Variants in XYLT1 observed in about 807,000 individuals in gnomAD.
XYLT1 encodes beta-D-xylosyltransferase 1.
In XYLT1, 36 loss-of-function variants were observed where a neutral mutation model predicts 91.3. The observed-to-expected ratio is 0.39, with a 90% CI of 0.30 to 0.52. The LOEUF (loss-of-function observed/expected upper bound fraction) is 0.52, where lower values mean the gene tolerates loss of function less well. XYLT1 is among the 20% of genes least tolerant of loss of function. The probability of loss-of-function intolerance (pLI) is 0.68; values close to 1 mark genes in which losing one functional copy is unlikely to be tolerated. For synonymous variants in XYLT1, 588 were observed against 532.0 expected (o/e 1.11, Z -1.45); for missense variants, 1,242 against 1,284.5 (o/e 0.97, Z 0.51).
At chr16:17,169,201 G>A (rs2031767880) in intron 5 of XYLT1, among the ~76,000 whole-genome samples, 2 of 152,188 alleles carry the variant, frequency 1.3e-5, no homozygotes, top group South Asian at 4.1e-4. Context: ...GACAGCAGAT[G>A]AATTGAAGCA....
chr16:17,116,087 C>A (rs6498665), intron 11 of XYLT1, among the ~76,000 whole-genome samples: 145,068 of 152,160 alleles, frequency 0.95, 69,210 homozygotes, highest in Middle Eastern at 0.98. Context: ...TTATGCTTTA[C>A]AAGTATGGAA....
At chr16:17,132,211 G>C (rs950508307) in intron 9 of XYLT1, among the ~76,000 whole-genome samples, 2 of 152,184 alleles carry the variant, frequency 1.3e-5, no homozygotes, top group African/African-American at 2.4e-5. Context: ...TTCCAGACTA[G>C]CAGTGGGGGG....
chr16:17,467,809 C>T (rs746758515), intron 1 of XYLT1, among the ~76,000 whole-genome samples: 3 of 152,218 alleles, frequency 2.0e-5, no homozygotes, highest in African/African-American at 7.2e-5. Context: ...ACCCAGGACA[C>T]AGGTTCCCTC....
At chr16:17,439,070 G>A (rs2036498681) in intron 1 of XYLT1, among the ~76,000 whole-genome samples, 1 of 152,078 alleles carries the variant, frequency 6.6e-6, no homozygotes, top group Non-Finnish European at 1.5e-5. Context: ...CAGAAATATT[G>A]GTAAATTCTG....
At chr16:17,439,703 GA>G (rs947697512) in intron 1 of XYLT1, among the ~76,000 whole-genome samples, 1 of 152,318 alleles carries the variant, frequency 6.6e-6, no homozygotes, top group African/African-American at 2.4e-5. Flanking sequence ...AAGGGAAACT[GA>G]CAAGTTTTAG....
chr16:17,429,280 T>C (rs895212889), intron 1 of XYLT1, among the ~76,000 whole-genome samples: 6 of 152,152 alleles, frequency 3.9e-5, no homozygotes, highest in African/African-American at 1.4e-4. Context: ...GGTCTTTCTT[T>C]CCTTGCCACA....
At chr16:17,178,545 G>A (rs566307870) in intron 5 of XYLT1, among the ~76,000 whole-genome samples, 1 of 152,174 alleles carries the variant, frequency 6.6e-6, no homozygotes, top group African/African-American at 2.4e-5. Context: ...TGAGATGTAC[G>A]TGTTCTGGGC....
At chr16:17,461,935 G>A (rs1020476580) in intron 1 of XYLT1, among the ~76,000 whole-genome samples, 3 of 152,150 alleles carry the variant, frequency 2.0e-5, no homozygotes, top group Non-Finnish European at 4.4e-5. Flanking sequence ...ATAAAAGCAT[G>A]TCTTTTTAGT....
At chr16:17,367,093 A>T (rs1185780901) in intron 1 of XYLT1, among the ~76,000 whole-genome samples, 1 of 152,112 alleles carries the variant, frequency 6.6e-6, no homozygotes, top group East Asian at 1.9e-4. Flanking sequence ...TGATCCTCTC[A>T]CACTCATTGT....
intron 3 of XYLT1, among the ~76,000 whole-genome samples, chr16:17,213,500 A>G (rs1208036307): frequency 6.6e-6 from 1 of 152,226 alleles, no homozygotes; most frequent in Non-Finnish European, 1.5e-5. Context: ...GACTCTGAGT[A>G]GTTACCTGAC....
At chr16:17,274,498 C>G (rs935822677) in intron 2 of XYLT1, among the ~76,000 whole-genome samples, 6 of 152,088 alleles carry the variant, frequency 3.9e-5, no homozygotes, top group African/African-American at 1.4e-4. Context: ...CTAAAGTATG[C>G]TTCCTGCTGT....
At chr16:17,354,444 C>A (rs557556532) in intron 2 of XYLT1, among the ~76,000 whole-genome samples, 32 of 152,294 alleles carry the variant, frequency 2.1e-4, no homozygotes, top group Non-Finnish European at 4.0e-4. Flanking sequence ...AGGACCGTTG[C>A]AATTCACACG....
At chr16:17,246,581 CCTCT>C (rs2033438633) in intron 3 of XYLT1, among the ~76,000 whole-genome samples, 1 of 152,200 alleles carries the variant, frequency 6.6e-6, no homozygotes, top group Non-Finnish European at 1.5e-5. Context: ...AGCTACTTAA[CCTCT>C]CTGAGGATCA....
At chr16:17,338,439 A>C (rs1421724081) in intron 2 of XYLT1, 7 of 456,550 alleles carry the variant, frequency 1.5e-5, no homozygotes, top group Non-Finnish European at 2.6e-5. Flanking sequence ...GCAACAAAGG[A>C]GAAGTTGAAA....
intron 1 of XYLT1, among the ~76,000 whole-genome samples, chr16:17,465,646 G>A (rs889387404): frequency 2.0e-5 from 3 of 150,914 alleles, no homozygotes; most frequent in Non-Finnish European, 2.9e-5. Flanking sequence ...ATAAATGTCA[G>A]TACTCCTTCC....
intron 1 of XYLT1, among the ~76,000 whole-genome samples, chr16:17,360,441 A>C (rs1456678587): frequency 6.6e-6 from 1 of 152,238 alleles, no homozygotes; most frequent in African/African-American, 2.4e-5. Context: ...AGACCTTATC[A>C]GTGCATGGTC....
Position 17,208,479 on chromosome 16 carries a change from G to A in XYLT1, c.914-7825C>T, listed in dbSNP as rs1445273323. Among the ~76,000 whole-genome samples, 4 of 152,212 alleles carry A rather than the reference G, an allele frequency of 2.6e-5. No homozygotes were observed. The East Asian group carries it at 7.7e-4, about 29-fold the overall frequency. ...GTGTATATGTAATGAGATATTTTGG[G>A]GAAGGGACCCAAGCCTAAACACAAA... On this transcript the variant is annotated intron_variant, in intron 3 of 11. Coordinates refer to ENST00000261381, the MANE Select transcript of XYLT1 (RefSeq NM_022166.4).
chr16:17,160,577 C>T (rs2031524647), intron 5 of XYLT1, among the ~76,000 whole-genome samples: 1 of 152,194 alleles, frequency 6.6e-6, no homozygotes, highest in Admixed American at 6.5e-5. Flanking sequence ...CAGCGGCAGG[C>T]ACCAGAAACA....
intron 2 of XYLT1, among the ~76,000 whole-genome samples, chr16:17,321,400 C>A (rs1336355463): frequency 9.3e-6 from 1 of 107,940 alleles, no homozygotes; most frequent in African/African-American, 3.6e-5. Flanking sequence ...CTTTGTCATC[C>A]AGGCTGGAGT....
Sources: gnomAD v4.1 joint callset for allele counts (sites outside exome capture counted in the v4.1 genomes callset) on GRCh38, gnomAD v4.1.1 for gene constraint, MANE v1.5 for transcripts, NCBI Gene and HGNC (gene_info 2026-07-23, HGNC 2026-07-21) for gene names.